The following SLC29A3 variants were observed in gnomAD, a reference collection of about 807,000 sequenced individuals.
The protein encoded by SLC29A3 is solute carrier family 29 member 3.
Under a neutral mutation model 25.4 loss-of-function variants are expected in SLC29A3, and 18 were observed. The ratio of observed to expected loss-of-function variants is 0.71; its 90% CI spans 0.49 to 1.05. The LOEUF is 1.05. SLC29A3 is among the 50% of genes least tolerant of loss of function. The pLI, the probability that SLC29A3 is intolerant of heterozygous loss-of-function variation, is 0.00. For synonymous variants in SLC29A3, 258 were observed against 267.1 expected, an observed-to-expected ratio of 0.97 and a Z score of 0.33; for missense variants, 586 against 609.0, an observed-to-expected ratio of 0.96 and a Z score of 0.40.
At chr10:71,372,795 ATCT>A (rs1564546709) in intron 3 of SLC29A3, among the ~76,000 whole-genome samples, 1 of 152,186 alleles carries the variant, frequency 6.6e-6, no homozygotes, top group African/African-American at 2.4e-5. Context: ...TGCCAAGCTC[ATCT>A]TCTTCACCAC....
At chr10:71,355,501 G>A (rs3781326) in intron 4 of SLC29A3, among the ~76,000 whole-genome samples, 35,403 of 152,122 alleles carry the variant, frequency 0.23, 5,786 homozygotes, top group African/African-American at 0.46. Flanking sequence ...TGCCACAGCC[G>A]CCTTGGGGTA....
intron 2 of SLC29A3, among the ~76,000 whole-genome samples, chr10:71,332,947 C>T (rs556460526): frequency 1.3e-5 from 2 of 152,360 alleles, no homozygotes; most frequent in South Asian, 2.1e-4. Context: ...CTTCCCCACC[C>T]GCGCTGCGCT....
intron 5 of SLC29A3, among the ~76,000 whole-genome samples, chr10:71,358,496 G>A (rs1265259350): frequency 1.3e-5 from 2 of 151,102 alleles, no homozygotes; most frequent in East Asian, 3.9e-4. Context: ...GCCTAGCTGT[G>A]GCTCCAGGCT....
chr10:71,365,278 T>A (rs1847161050), downstream of SLC29A3: 1 of 152,146 alleles, frequency 6.6e-6, no homozygotes, highest in Admixed American at 6.6e-5. Context: ...GCACCATGCC[T>A]GCCTTAAAGT....
chr10:71,356,336 G>T, intron 5 of SLC29A3, 93 bp downstream of exon 5: 1 of 1,496,464 alleles, frequency 6.7e-7, no homozygotes, highest in Non-Finnish European at 9.1e-7. Flanking sequence ...TGGCTTCTTT[G>T]TCTAGGTGCT....
intron 3 of SLC29A3, 88 bp from the exon 4 acceptor site, chr10:71,351,474 G>T: frequency 1.7e-6 from 2 of 1,174,448 alleles, no homozygotes; most frequent in Non-Finnish European, 2.5e-6. Flanking sequence ...TGCTAAGCTC[G>T]CCTGCTTCCC....
At position 71,323,002 on chromosome 10, in the gene SLC29A3, G is replaced by T; in HGVS notation, c.248G>T (p.Arg83Leu). ...AAGGAGTACTGGATGTTCAAACTCC[G>T]CAACTCCTCCAGCCCAGCCACCGGG... The part of the protein sequence containing the change: ...TAKEYWMFKL[R>L]NSSSPATGED... The change falls in exon 2 of 6, where the codon CGC becomes CTC. Residue 83 changes from arginine to leucine, a missense_variant. Transcript: ENST00000373189. The T allele has an allele frequency of 6.2e-7, 1 of 1,613,950 alleles. No homozygotes were observed. Among genetic ancestry groups the T allele is most frequent in the Non-Finnish European group, 8.5e-7 (1 of 1,180,026 alleles).
At chr10:71,344,351 C>A in intron 3 of SLC29A3, 60 bp downstream of exon 3, 1 of 1,311,366 alleles carries the variant, frequency 7.6e-7, no homozygotes, top group East Asian at 2.3e-5. Context: ...CCTCTACTCC[C>A]CTCTTGCCTG....
In SLC29A3 at chr10:71,363,182, T is replaced by C. The variant is rs1192396949; in HGVS notation, c.*574T>C. On this transcript the variant is annotated 3_prime_UTR_variant, in exon 6 of 6. Transcript: ENST00000373189. ...ACTGGAAAACCCAGAAAGATGGGCC[T>C]TCCATGAATGCTTCATTCCAGAGGG... The C allele has an allele frequency of 4.5e-6, 2 of 447,436 alleles. No homozygotes were observed. Among genetic ancestry groups the C allele is most frequent in the East Asian group, 1.4e-4 (2 of 14,326 alleles). The allele number at this position is 447,436 out of a possible 1,614,324, so 27.7% of individuals were successfully genotyped here.
intron 2 of SLC29A3, among the ~76,000 whole-genome samples, chr10:71,326,563 CGGCCGGCA>C (rs964583432): frequency 2.0e-5 from 3 of 152,240 alleles, no homozygotes; most frequent in African/African-American, 7.2e-5. Flanking sequence ...CTGCCTGTCT[CGGCCGGCA>C]CAGAGCTAGA....
In SLC29A3 at chr10:71,362,089, G is replaced by T; in HGVS notation, c.909G>T (p.Lys303Asn). 2 of 1,614,076 alleles carry T rather than the reference G, an allele frequency of 1.2e-6. No homozygotes were observed. Among genetic ancestry groups the T allele is most frequent in the Non-Finnish European group, 1.7e-6 (2 of 1,180,006 alleles). The change falls in exon 6 of 6, where the codon AAG becomes AAT. Residue 303 changes from lysine to asparagine, a missense_variant. Transcript: ENST00000373189. ...CACCCCCTCTCCGCCCCATCCTGAA[G>T]AAGACGGCCAGCCTGGGCTTCTGTG... ...SHTPPLRPIL[K>N]KTASLGFCVT...
chr10:71,360,512 G>C (rs1237440318), intron 5 of SLC29A3, among the ~76,000 whole-genome samples: 2 of 152,172 alleles, frequency 1.3e-5, no homozygotes, highest in Non-Finnish European at 2.9e-5. Context: ...TTCTTTTGAA[G>C]GAACTAAACA....
chr10:71,326,112 G>A (rs1283788143), intron 2 of SLC29A3, among the ~76,000 whole-genome samples: 1 of 151,686 alleles, frequency 6.6e-6, no homozygotes, highest in East Asian at 1.9e-4. Context: ...TAGAGACAGG[G>A]TCTCACTATG....
chr10:71,320,603 A>C (rs568984993), intron 1 of SLC29A3, among the ~76,000 whole-genome samples: 1 of 152,314 alleles, frequency 6.6e-6, no homozygotes, highest in South Asian at 2.1e-4. Flanking sequence ...GAGCTTGTTA[A>C]TGCTGGCCTC....
chr10:71,359,218 C>T (rs988298526), intron 5 of SLC29A3, among the ~76,000 whole-genome samples: 13 of 152,156 alleles, frequency 8.5e-5, no homozygotes, highest in African/African-American at 2.9e-4. Flanking sequence ...TGGACCGAAG[C>T]TTCTGTTTCT....
intron 2 of SLC29A3, among the ~76,000 whole-genome samples, chr10:71,334,411 G>T (rs1392184436): frequency 1.3e-5 from 2 of 152,210 alleles, no homozygotes; most frequent in Non-Finnish European, 1.5e-5. Context: ...CTCACTTACA[G>T]CTCTTTCCCA....
intron 4 of SLC29A3, among the ~76,000 whole-genome samples, chr10:71,353,736 G>A (rs755673403): frequency 1.1e-4 from 16 of 152,130 alleles, no homozygotes; most frequent in Non-Finnish European, 2.1e-4. Flanking sequence ...TTCCAGCACA[G>A]CCCGTCTGTG....
chr10:71,346,034 A>G lies in SLC29A3; in HGVS notation c.383+1743A>G, dbSNP rs1462768706. ...TGTAATGCCTCGATCACCCCTTGTC[A>G]TGTCCCTTAGGCTGCACTGCAACCC... On this transcript the variant is annotated intron_variant, in intron 3 of 5. Coordinates refer to ENST00000373189, the MANE Select transcript of SLC29A3 (RefSeq NM_018344.6). Among the ~76,000 whole-genome samples the G allele has an allele frequency of 2.0e-5, 3 of 152,172 alleles. 1 individual carries two copies. The highest frequency in any genetic ancestry group is 1.3e-4 in the Admixed American group (2 of 15,280).
At position 71,323,002 on chromosome 10, in the gene SLC29A3, G is replaced by A. The variant is rs370566644; in HGVS notation, c.248G>A (p.Arg83His). 55 of 1,613,950 alleles carry A rather than the reference G, an allele frequency of 3.4e-5. No homozygotes were observed. The highest frequency in any genetic ancestry group is 2.3e-4 in the African/African-American group (17 of 75,036). Residue 83 changes from arginine to histidine, a missense_variant, in exon 2 of 6, where the codon CGC (arginine) becomes CAC (histidine). Transcript: ENST00000373189. ...TAKEYWMFKL[R>H]NSSSPATGED... Reference sequence around the variant, plus strand: ...AAGGAGTACTGGATGTTCAAACTCCGCAACTCCTCCAGCCCAGCCACCGGG... The same window carrying A: ...AAGGAGTACTGGATGTTCAAACTCCACAACTCCTCCAGCCCAGCCACCGGG...
Sources: gnomAD v4.1 joint callset for allele counts (sites outside exome capture counted in the v4.1 genomes callset) on GRCh38, gnomAD v4.1.1 for gene constraint, MANE v1.5 for transcripts, NCBI Gene and HGNC (gene_info 2026-07-23, HGNC 2026-07-21) for gene names.